PTPRS: variants seen among roughly 807,000 people sequenced by gnomAD.
PTPRS encodes receptor-type tyrosine-protein phosphatase S.
A neutral mutation model predicts 215.3 loss-of-function variants in PTPRS; 63 were observed. The observed-to-expected ratio is 0.29, with a 90% CI of 0.24 to 0.36. PTPRS has a LOEUF of 0.36. Among genes scored for constraint, PTPRS ranks in the 10% least tolerant of loss-of-function variants. The pLI is 1.00. For synonymous variants in PTPRS, 1,404 were observed against 1,191.4 expected (o/e 1.18, Z -3.68); for missense variants, 2,258 against 2,825.8 (o/e 0.80, Z 4.56).
In PTPRS at chr19:5,220,133, G is replaced by A. The variant is rs1414384819; in HGVS notation, c.3571C>T (p.Leu1191=). 1.2e-6 allele frequency: 2 copies of A among 1,612,422 alleles called. No individual in the cohort carries two copies. Among genetic ancestry groups the A allele is most frequent in the Admixed American group, 3.3e-5 (2 of 60,012 alleles). The part of the protein sequence containing the change: ...LEELIQDISR[L]QRRSLRHSRQ... Reference sequence around the variant, plus strand: ...GAGTGCCGCAGGCTGCGCCTCTGTAGCCGTGAGATGTCCTGGATGAGCTGC... The same window carrying A: ...GAGTGCCGCAGGCTGCGCCTCTGTAACCGTGAGATGTCCTGGATGAGCTGC... The change falls in exon 22 of 38, where the codon CTA becomes TTA. Residue 1191 remains leucine, a synonymous_variant. Coordinates refer to ENST00000262963, the MANE Select transcript of PTPRS (RefSeq NM_002850.4).
rs151251371 is a variant in PTPRS at position 5,294,825 on chromosome 19, C to T, written c.-94-8591G>A. On this transcript the variant is annotated intron_variant, in intron 1 of 37. Transcript: ENST00000262963. This position sits in a 1 kb window ranked among gnomAD's most constrained non-coding sequence, Gnocchi z 5.1. ...GTCTGTGAGTGTCTGCACACAGGCTCCCTGCCTGCCCCTTTGACACAGAGC... is the reference window on the plus strand; with the variant it reads ...GTCTGTGAGTGTCTGCACACAGGCTTCCTGCCTGCCCCTTTGACACAGAGC... The T allele has an allele frequency of 2.5e-4, 38 of 152,376 alleles. No individual in the cohort carries two copies. The highest frequency in any genetic ancestry group is 8.7e-4 in the African/African-American group (36 of 41,570). The allele number at this position is 152,376 out of a possible 1,614,324, so 9.4% of individuals were successfully genotyped here. A position where few individuals can be genotyped will look rare whatever the true frequency, so the allele number is the denominator to read the frequency against.
chr19:5,323,735 G>C (rs1304290373), intron 1 of PTPRS, among the ~76,000 whole-genome samples: 1 of 152,222 alleles, frequency 6.6e-6, no homozygotes, highest in Non-Finnish European at 1.5e-5. Context: ...GGGAGGACTT[G>C]GGGTTTTCCC....
At chr19:5,264,426 G>A (rs950175657) in intron 5 of PTPRS, among the ~76,000 whole-genome samples, 7 of 152,144 alleles carry the variant, frequency 4.6e-5, no homozygotes, top group African/African-American at 1.7e-4. Flanking sequence ...TGACACTTCT[G>A]CCTGTCTGTC....
chr19:5,274,850 TG>T, intron 2 of PTPRS, among the ~76,000 whole-genome samples: 1 of 152,136 alleles, frequency 6.6e-6, no homozygotes, highest in South Asian at 2.1e-4. Flanking sequence ...GCACCCAGCA[TG>T]GGGGCGGGGG....
At chr19:5,318,026 C>A (rs1034354840) in intron 1 of PTPRS, among the ~76,000 whole-genome samples, 2 of 152,182 alleles carry the variant, frequency 1.3e-5, no homozygotes, top group Non-Finnish European at 2.9e-5. Flanking sequence ...AAAAAATTAG[C>A]TGGGCATGGT....
intron 1 of PTPRS, among the ~76,000 whole-genome samples, chr19:5,307,067 G>A (rs148127268): frequency 6.6e-6 from 1 of 152,206 alleles, no homozygotes; most frequent in Non-Finnish European, 1.5e-5. Context: ...CACTTTGGGA[G>A]GCTGAGGCAG....
At chr19:5,289,435 C>T (rs1159135576) in intron 1 of PTPRS, among the ~76,000 whole-genome samples, 1 of 152,204 alleles carries the variant, frequency 6.6e-6, no homozygotes, top group Non-Finnish European at 1.5e-5. Flanking sequence ...AACCAGAAAG[C>T]ATCTGCAAGC....
intron 9 of PTPRS, among the ~76,000 whole-genome samples, chr19:5,254,284 G>A (rs1330788655): frequency 1.3e-5 from 2 of 152,184 alleles, no homozygotes; most frequent in Admixed American, 6.5e-5. Flanking sequence ...TTTAATAATT[G>A]GTAAGTTTGG....
chr19:5,225,857 C>G lies in PTPRS; in HGVS notation c.2377-13G>C, dbSNP rs370149988. 20 of 1,609,514 alleles carry G rather than the reference C, an allele frequency of 1.2e-5. No homozygotes were observed. Among genetic ancestry groups the G allele is most frequent in the Non-Finnish European group, 1.5e-5 (18 of 1,176,222 alleles). On this transcript the variant is annotated splice_polypyrimidine_tract_variant and intron_variant, in intron 16 of 37. Coordinates refer to ENST00000262963, the MANE Select transcript of PTPRS (RefSeq NM_002850.4). ...TGATGACCATCTCCTGCAGGCACGG[C>G]TGGGGGTCAGCACGACGGCTGGGGC... is the stretch of plus-strand genomic sequence containing the variant.
chr19:5,218,832 GA>G (rs759079886), intron 23 of PTPRS, 34 bp from the exon 24 acceptor site: 21 of 1,572,958 alleles, frequency 1.3e-5, no homozygotes, highest in Admixed American at 5.6e-5. Context: ...TGAGAAGGGG[GA>G]AAAAAAGAAG....
intron 9 of PTPRS, among the ~76,000 whole-genome samples, chr19:5,252,574 CAAAAA>C (rs56215560): frequency 3.0e-5 from 2 of 66,792 alleles, no homozygotes; most frequent in Admixed American, 2.0e-4. Context: ...GAGATTCTGT[CAAAAA>C]AAAAAAAAAA....
intron 30 of PTPRS, among the ~76,000 whole-genome samples, 170 bp from the exon 31 acceptor site, chr19:5,212,661 T>A (rs1256635358): frequency 6.6e-6 from 1 of 152,152 alleles, no homozygotes; most frequent in African/African-American, 2.4e-5. Context: ...CTGACCAACA[T>A]GGAGAAACCT....
intron 10 of PTPRS, among the ~76,000 whole-genome samples, chr19:5,245,237 G>A (rs1371074584): frequency 1.3e-5 from 2 of 151,258 alleles, no homozygotes; most frequent in Non-Finnish European, 2.9e-5. Flanking sequence ...TGATCTGCCC[G>A]CCTAGGCCTC....
chr19:5,301,104 T>A (rs1203562001), intron 1 of PTPRS, among the ~76,000 whole-genome samples: 1 of 152,178 alleles, frequency 6.6e-6, no homozygotes. Context: ...CTCTGGGAGC[T>A]CTTGCTCCAG....
intron 2 of PTPRS, among the ~76,000 whole-genome samples, chr19:5,285,003 G>A (rs2048221686): frequency 6.6e-6 from 1 of 152,118 alleles, no homozygotes; most frequent in Admixed American, 6.6e-5. Context: ...AAGCGCAAAT[G>A]AATGAGGCAG....
At chr19:5,275,051 A>G (rs565018157) in intron 2 of PTPRS, among the ~76,000 whole-genome samples, 10 of 144,690 alleles carry the variant, frequency 6.9e-5, no homozygotes, top group African/African-American at 2.6e-4. Context: ...AGGCAGTGCC[A>G]TCCTGATCGT....
At position 5,214,648 on chromosome 19, in the gene PTPRS, A is replaced by G. The variant is rs541203627; in HGVS notation, c.4407T>C (p.Pro1469=). 6.0e-5 allele frequency: 96 copies of G among 1,613,160 alleles called. No homozygotes were observed. Among genetic ancestry groups the G allele is most frequent in the Admixed American group, 1.0e-4 (6 of 60,004 alleles). ...NAYIATQGPL[P]ETFGDFWRMV... ...TACGCCAGAAGTCCCCAAAGGTCTC[A>G]GGCAGCGGCCCCTGCGTGGCAATGT... is the stretch of plus-strand genomic sequence containing the variant. The change falls in exon 29 of 38, where the codon CCT becomes CCC. Residue 1469 remains proline (P), a synonymous_variant. Transcript: ENST00000262963.
chr19:5,221,354 C>T, intron 19 of PTPRS, 101 bp from the exon 20 acceptor site: 12 of 1,456,692 alleles, frequency 8.2e-6, no homozygotes, highest in Non-Finnish European at 1.1e-5. Context: ...GCCCTGATCC[C>T]ACTGAATCCT....
intron 2 of PTPRS, among the ~76,000 whole-genome samples, chr19:5,284,126 C>T (rs943312924): frequency 2.0e-5 from 3 of 151,578 alleles, no homozygotes; most frequent in Admixed American, 6.6e-5. Context: ...TTTGGGAGGC[C>T]GAGGCAGGAG....
Sources: allele counts gnomAD v4.1 joint callset (sites outside exome capture counted in the v4.1 genomes callset), GRCh38; gene constraint gnomAD v4.1.1; non-coding constraint Gnocchi (gnomAD v3.1); transcripts MANE v1.5; gene names NCBI Gene and HGNC (gene_info 2026-07-23, HGNC 2026-07-21).